Variants in ALDOC observed in about 807,000 individuals in gnomAD.
ALDOC encodes aldolase, fructose-bisphosphate C.
In ALDOC, 23 loss-of-function variants were observed where a neutral mutation model predicts 39.5. The ratio of observed to expected loss-of-function variants is 0.58; its 90% confidence interval spans 0.42 to 0.82. ALDOC has a LOEUF of 0.82. ALDOC is among the 40% of genes least tolerant of loss of function. The pLI is 0.00. For synonymous variants in ALDOC, 160 were observed against 182.6 expected (o/e 0.88, Z 1.00); for missense variants, 356 against 479.1 (o/e 0.74, Z 2.40).
Position 28,573,229 on chromosome 17 carries a change from G to C in ALDOC, c.*297C>G, listed in dbSNP as rs2070449489. 5.9e-6 allele frequency: 3 copies of C among 511,532 alleles called. No homozygotes were observed. In the South Asian group the frequency reaches 6.4e-5, roughly 11 times the overall value. The allele number at this position is 511,532 out of a possible 1,614,324, so 31.7% of individuals were successfully genotyped here. A position where few individuals can be genotyped will look rare whatever the true frequency, so the allele number is the denominator to read the frequency against. Reference sequence around the variant, plus strand: ...AGGGCAGGCAAGAAGGAGAGCCCAGGGAGAAGCTACCTCATCATGGGAAAA... The same window carrying C: ...AGGGCAGGCAAGAAGGAGAGCCCAGCGAGAAGCTACCTCATCATGGGAAAA... On this transcript the variant is annotated 3_prime_UTR_variant, in exon 9 of 9. Transcript: ENST00000226253. The surrounding 1 kb of genome is among the most constrained non-coding windows in gnomAD (Gnocchi z 4.3).
In ALDOC at chr17:28,573,708, C is replaced by T. The variant is rs2070453851; in HGVS notation, c.999+27G>A. 1 of 1,613,860 alleles carries T rather than the reference C, an allele frequency of 6.2e-7. No homozygotes were observed. ...GGCTATAGCCTCTGGGTGCTGCCCC[C>T]ACCCACCACCACCTGTAGCTCCCAA... On this transcript the variant is annotated intron_variant, in intron 8 of 8. Transcript: ENST00000226253. The surrounding 1 kb of genome is among the most constrained non-coding windows in gnomAD (Gnocchi z 4.3).
chr17:28,576,110 C>T, intron 1 of ALDOC: 1 of 601,164 alleles, frequency 1.7e-6, no homozygotes, highest in Non-Finnish European at 2.1e-6. Flanking sequence ...TTCTGTACTC[C>T]AAACCTGCCT....
At position 28,573,782 on chromosome 17, in the gene ALDOC, G is replaced by A. The variant is rs371687048; in HGVS notation, c.952C>T (p.Arg318Trp). The change falls in exon 8 of 9, where the codon CGG (arginine) becomes TGG (tryptophan). Residue 318 changes from arginine to tryptophan, a missense_variant. Arg to Trp is a moderately radical substitution (Grantham distance 101, BLOSUM62 -3). Coordinates refer to ENST00000226253, the MANE Select transcript of ALDOC (RefSeq NM_005165.3). The surrounding 1 kb of genome is among the most constrained non-coding windows in gnomAD (Gnocchi z 4.3). ...TCAGTGGCAGCCCCAGCATTGTCCC[G>A]TTGCCCTCGCCAGGCATTGAGTGCA... The part of the protein sequence containing the change: ...ASALNAWRGQ[R>W]DNAGAATEEF... 64 of 1,614,058 alleles carry A rather than the reference G, an allele frequency of 4.0e-5. No individual in the cohort carries two copies. The highest frequency in any genetic ancestry group is 5.0e-5 in the Admixed American group (3 of 60,012).
At chr17:28,574,450 G>A (rs764875596) in intron 6 of ALDOC, 44 bp downstream of exon 6, 9 of 1,592,160 alleles carry the variant, frequency 5.7e-6, no homozygotes, top group East Asian at 2.2e-5. Flanking sequence ...CACTCCTGCC[G>A]AGCTGTCCCT....
At position 28,574,957 on chromosome 17, in the gene ALDOC, G is replaced by C; in HGVS notation, c.374C>G (p.Thr125Ser). 1 of 1,614,180 alleles carries C rather than the reference G, an allele frequency of 6.2e-7. No homozygotes were observed. Among genetic ancestry groups the C allele is most frequent in the Non-Finnish European group, 8.5e-7 (1 of 1,180,032 alleles). ...PLAGTDGETT[T>S]QGLDGLSERC... is the part of the protein sequence containing the mutation. The stretch of plus-strand genomic sequence containing the variant: ...CAAGCCCACCCATCCTATACCTTGA[G>C]TGGTGGTTTCTCCATCAGTCCCAGC... Residue 125 changes from threonine (T) to serine (S), a missense_variant, in exon 4 of 9, where the codon ACT becomes AGT. By Grantham distance (58) the Thr-to-Ser change is moderately conservative. Transcript: ENST00000226253.
At position 28,574,120 on chromosome 17, in the gene ALDOC, A is replaced by G. The variant is rs370804682; in HGVS notation, c.746T>C (p.Ile249Thr). Residue 249 changes from isoleucine (I) to threonine (T), a missense_variant, in exon 7 of 9, where the codon ATT (isoleucine) becomes ACT (threonine). Transcript: ENST00000226253. Reference protein sequence around the residue: ...ACPIKYTPEEIAMATVTALRR... With the variant: ...ACPIKYTPEETAMATVTALRR... ...CAGGGCAGTGACAGTTGCCATGGCA[A>G]TCTCCTCTGGGGTATACTTGATGGG... The G allele has an allele frequency of 2.1e-5, 34 of 1,608,504 alleles. No individual in the cohort carries two copies. The highest frequency in any genetic ancestry group is 2.7e-5 in the African/African-American group (2 of 74,738).
chr17:28,573,394 A>G lies in ALDOC; in HGVS notation c.*132T>C, dbSNP rs1597589301. 2 of 793,712 alleles carry G rather than the reference A, an allele frequency of 2.5e-6. No individual in the cohort carries two copies. The highest frequency in any genetic ancestry group is 3.3e-5 in the African/African-American group (2 of 59,914). 49.2% of individuals were successfully genotyped at this position (793,712 alleles called of 1,614,324 possible). ...TGCAGCAATGAGAGAGGGGAAGGGAAGAGAGAAAGGAAGACAAGTTGGTGC... is the reference window on the plus strand; with the variant it reads ...TGCAGCAATGAGAGAGGGGAAGGGAGGAGAGAAAGGAAGACAAGTTGGTGC... On this transcript the variant is annotated 3_prime_UTR_variant, in exon 9 of 9. Transcript: ENST00000226253. This position sits in a 1 kb window ranked among gnomAD's most constrained non-coding sequence, Gnocchi z 4.3.
At position 28,573,664 on chromosome 17, in the gene ALDOC, A is replaced by G. The variant is rs770437455; in HGVS notation, c.1000-43T>C. 6.2e-7 allele frequency: 1 copy of G among 1,613,838 alleles called. No individual in the cohort carries two copies. The highest frequency in any genetic ancestry group is 1.1e-5 in the South Asian group (1 of 91,082). On this transcript the variant is annotated intron_variant, in intron 8 of 8. Coordinates refer to ENST00000226253, the MANE Select transcript of ALDOC (RefSeq NM_005165.3). The surrounding 1 kb of genome is among the most constrained non-coding windows in gnomAD (Gnocchi z 4.3). ...GAGTAAGCAGGCTGAGCCAGCCCACAGGTGCCAAGCCCTGCCCAGGCTATA... is the reference window on the plus strand; with the variant it reads ...GAGTAAGCAGGCTGAGCCAGCCCACGGGTGCCAAGCCCTGCCCAGGCTATA...
At position 28,575,990 on chromosome 17, in the gene ALDOC, A is replaced by C; in HGVS notation, c.-12-446T>G. 1 of 1,008,024 alleles carries C rather than the reference A, an allele frequency of 9.9e-7. No homozygotes were observed. Among genetic ancestry groups the C allele is most frequent in the Non-Finnish European group, 1.2e-6 (1 of 842,630 alleles). The allele number at this position is 1,008,024 out of a possible 1,614,324, so 62.4% of individuals were successfully genotyped here. A position where few individuals can be genotyped will look rare whatever the true frequency, so the allele number is the denominator to read the frequency against. On this transcript the variant is annotated intron_variant, in intron 1 of 8. Coordinates refer to ENST00000226253, the MANE Select transcript of ALDOC (RefSeq NM_005165.3). This position sits in a 1 kb window ranked among gnomAD's most constrained non-coding sequence, Gnocchi z 4.3. The stretch of plus-strand genomic sequence containing the variant: ...TTCCAAGGCTTCAGAATGAGGCAAA[A>C]GTACTTATTGCCACCCTCTTCTCTC...
chr17:28,574,553 G>T lies in ALDOC; in HGVS notation c.565C>A (p.Pro189Thr), dbSNP rs1253268517. 3 of 1,614,100 alleles carry T rather than the reference G, an allele frequency of 1.9e-6. No homozygotes were observed. Among genetic ancestry groups the T allele is most frequent in the East Asian group, 2.2e-5 (1 of 44,876 alleles). ...QQNGIVPIVE[P>T]EILPDGDHDL... ...TGGTCTCCATCAGGCAATATTTCAG[G>T]TTCCACAATAGGCACAATGCCATTC... The change falls in exon 6 of 9, where the codon CCT (proline) becomes ACT (threonine). Residue 189 changes from proline to threonine, a missense_variant. Coordinates refer to ENST00000226253, the MANE Select transcript of ALDOC (RefSeq NM_005165.3).
intron 4 of ALDOC, 25 bp downstream of exon 4, chr17:28,574,927 G>A (rs1416722562): frequency 1.2e-6 from 2 of 1,614,084 alleles, no homozygotes; most frequent in East Asian, 2.2e-5. Context: ...CACCTCTTTG[G>A]TCCTCAAGCC....
At position 28,573,485 on chromosome 17, in the gene ALDOC, T is replaced by G; in HGVS notation, c.*41A>C. 1 of 1,592,590 alleles carries G rather than the reference T, an allele frequency of 6.3e-7. No individual in the cohort carries two copies. The highest frequency in any genetic ancestry group is 2.2e-5 in the East Asian group (1 of 44,770). On this transcript the variant is annotated 3_prime_UTR_variant, in exon 9 of 9. Coordinates refer to ENST00000226253, the MANE Select transcript of ALDOC (RefSeq NM_005165.3). The surrounding 1 kb of genome is among the most constrained non-coding windows in gnomAD (Gnocchi z 4.3). Reference sequence around the variant, plus strand: ...GGCCATGACTACAAGCAAAAGTGGGTGCAGATGGCTGGGCCAAGGGCTGTG... The same window carrying G: ...GGCCATGACTACAAGCAAAAGTGGGGGCAGATGGCTGGGCCAAGGGCTGTG...
Position 28,573,802 on chromosome 17 carries a change from A to G in ALDOC, c.932T>C (p.Leu311Pro), listed in dbSNP as rs1473807763. The G allele has an allele frequency of 1.9e-6, 3 of 1,614,104 alleles. No individual in the cohort carries two copies. The highest frequency in any genetic ancestry group is 2.5e-6 in the Non-Finnish European group (3 of 1,180,036). Residue 311 changes from leucine to proline, a missense_variant, in exon 8 of 9, where the codon CTC becomes CCC. By Grantham distance (98) the Leu-to-Pro change is moderately conservative. Coordinates refer to ENST00000226253, the MANE Select transcript of ALDOC (RefSeq NM_005165.3). The surrounding 1 kb of genome is among the most constrained non-coding windows in gnomAD (Gnocchi z 4.3). Reference protein sequence around the residue: ...SYGRALQASALNAWRGQRDNA... With the variant: ...SYGRALQASAPNAWRGQRDNA... ...GTCCCGTTGCCCTCGCCAGGCATTG[A>G]GTGCAGAGGCTTGCAGGGCACGCCC... is the stretch of plus-strand genomic sequence containing the variant.
chr17:28,574,821 T>A lies in ALDOC; in HGVS notation c.415A>T (p.Lys139Ter), dbSNP rs1239765799. The change falls in exon 5 of 9, where the codon AAG becomes TAG. Residue 139 changes from lysine (K) to a stop codon, truncating the protein, a stop_gained. Transcript: ENST00000226253. LOFTEE classifies it high-confidence loss of function. ...TTGGCAAAGTCAGCACCATCCTTCTTGTATTGGGCACAGCGTTCTGAGAGC... is the reference window on the plus strand; with the variant it reads ...TTGGCAAAGTCAGCACCATCCTTCTAGTATTGGGCACAGCGTTCTGAGAGC... Reference protein sequence around the residue: ...DGLSERCAQYKKDGADFAKWR... With the variant: ...DGLSERCAQY The A allele has an allele frequency of 7.4e-6, 12 of 1,614,094 alleles. No homozygotes were observed. Among genetic ancestry groups the A allele is most frequent in the Non-Finnish European group, 1.0e-5 (12 of 1,180,040 alleles).
Position 28,575,879 on chromosome 17 carries a change from T to C in ALDOC, c.-12-335A>G, listed in dbSNP as rs2151517524. On this transcript the variant is annotated intron_variant, in intron 1 of 8. Transcript: ENST00000226253. This position sits in a 1 kb window ranked among gnomAD's most constrained non-coding sequence, Gnocchi z 4.3. ...CCAACCCTTCTTTCACTGAACTTGGTCCCTTGTTGAGGTAGGCAAAAGTCC... is the reference window on the plus strand; with the variant it reads ...CCAACCCTTCTTTCACTGAACTTGGCCCCTTGTTGAGGTAGGCAAAAGTCC... 1.3e-6 allele frequency: 1 copy of C among 774,942 alleles called. No homozygotes were observed. Among genetic ancestry groups the C allele is most frequent in the Non-Finnish European group, 1.7e-6 (1 of 595,654 alleles). The allele number at this position is 774,942 out of a possible 1,614,324, so 48.0% of individuals were successfully genotyped here.
chr17:28,574,741 C>T lies in ALDOC; in HGVS notation c.495G>A (p.Leu165=), dbSNP rs1158852750. 5.0e-6 allele frequency: 8 copies of T among 1,614,210 alleles called. No homozygotes were observed. The highest frequency in any genetic ancestry group is 2.2e-5 in the East Asian group (1 of 44,886). ...AACGGGCCAGCACGTTGGCGTTCTC[C>T]AGAATGGCAAGTGCAGAGGGTGTAC... is the stretch of plus-strand genomic sequence containing the variant. ...SERTPSALAI[L]ENANVLARYA... The change falls in exon 5 of 9, where the codon CTG becomes CTA. Residue 165 remains leucine, a synonymous_variant. Coordinates refer to ENST00000226253, the MANE Select transcript of ALDOC (RefSeq NM_005165.3).
intron 5 of ALDOC, 52 bp from the exon 6 acceptor site, chr17:28,574,629 A>T (rs751238851): frequency 3.7e-6 from 6 of 1,613,646 alleles, no homozygotes; most frequent in Non-Finnish European, 5.1e-6. Context: ...AGATGAAGAA[A>T]GCCTTGTGAC....
At position 28,574,225 on chromosome 17, in the gene ALDOC, T is replaced by C; in HGVS notation, c.641A>G (p.Tyr214Cys). The change falls in exon 7 of 9, where the codon TAC (tyrosine) becomes TGC (cysteine). Residue 214 changes from tyrosine to cysteine, a missense_variant. Coordinates refer to ENST00000226253, the MANE Select transcript of ALDOC (RefSeq NM_005165.3). ...TACATGATGGTCACTCAGGGCCTTG[T>C]ACACAGCAGCCAAGACCTGGGTGGG... The part of the protein sequence containing the change: ...YVTEKVLAAV[Y>C]KALSDHHVYL... 1 of 1,593,708 alleles carries C rather than the reference T, an allele frequency of 6.3e-7. No individual in the cohort carries two copies. Among genetic ancestry groups the C allele is most frequent in the Non-Finnish European group, 8.5e-7 (1 of 1,170,702 alleles).
chr17:28,573,922 A>G lies in ALDOC; in HGVS notation c.812T>C (p.Leu271Pro). The change falls in exon 8 of 9, where the codon CTG (leucine) becomes CCG (proline). Residue 271 changes from leucine to proline, a missense_variant. Physicochemically the swap from Leu to Pro is moderately conservative, Grantham distance 98 (BLOSUM62 -3). Coordinates refer to ENST00000226253, the MANE Select transcript of ALDOC (RefSeq NM_005165.3). The surrounding 1 kb of genome is among the most constrained non-coding windows in gnomAD (Gnocchi z 4.3). ...VPPAVPGVTF[L>P]SGGQSEEEAS... Reference sequence around the variant, plus strand: ...CTCTTCTTCGCTCTGACCCCCAGACAGGAAGGTCACTCCTAGTGTGGAGGA... The same window carrying G: ...CTCTTCTTCGCTCTGACCCCCAGACGGGAAGGTCACTCCTAGTGTGGAGGA... The G allele has an allele frequency of 6.2e-7, 1 of 1,614,152 alleles. No homozygotes were observed. Among genetic ancestry groups the G allele is most frequent in the Non-Finnish European group, 8.5e-7 (1 of 1,180,024 alleles).
Sources: gnomAD v4.1 joint callset for allele counts on GRCh38, gnomAD v4.1.1 for gene constraint, Gnocchi (gnomAD v3.1) non-coding constraint, MANE v1.5 for transcripts, NCBI Gene and HGNC (gene_info 2026-07-23, HGNC 2026-07-21) for gene names.